NREP: variants seen among roughly 807,000 people sequenced by gnomAD.
The protein encoded by NREP is neuronal regeneration related protein.
A neutral mutation model predicts 8.6 loss-of-function variants in NREP; 5 were observed. The observed-to-expected ratio is 0.58, with a 90% confidence interval of 0.30 to 1.22. The LOEUF is 1.22. Ranked by LOEUF, NREP falls within the 50% of genes most tolerant of loss-of-function variation. The pLI, the probability that NREP is intolerant of heterozygous loss-of-function variation, is 0.07. For missense variants in NREP, 86 were observed against 82.5 expected (o/e 1.04, Z -0.17); for synonymous variants, 27 against 28.0 (o/e 0.96, Z 0.11).
intron 2 of NREP, among the ~76,000 whole-genome samples, chr5:111,878,406 G>C (rs1162024957): frequency 6.6e-6 from 1 of 152,032 alleles, no homozygotes; most frequent in Admixed American, 6.6e-5. Context: ...AAGGAGGAAT[G>C]GTCAGGCACT....
At chr5:111,746,960 T>C (rs1750046352) in intron 2 of NREP, among the ~76,000 whole-genome samples, 1 of 152,150 alleles carries the variant, frequency 6.6e-6, no homozygotes, top group African/African-American at 2.4e-5. Flanking sequence ...AGGTTAAGTG[T>C]TCAACCATGT....
At chr5:111,768,382 A>C (rs1751135336) in intron 2 of NREP, among the ~76,000 whole-genome samples, 1 of 152,098 alleles carries the variant, frequency 6.6e-6, no homozygotes, top group African/African-American at 2.4e-5. Flanking sequence ...ACTTTTATTT[A>C]GATTCAGGGG....
chr5:111,777,696 GA>G (rs906619025), intron 2 of NREP, among the ~76,000 whole-genome samples: 5 of 152,178 alleles, frequency 3.3e-5, no homozygotes, highest in African/African-American at 9.6e-5. Flanking sequence ...ATCTAAGGAA[GA>G]AAAAGCAACG....
rs576359246 is a variant in NREP, at chr5:111,907,914, T to C, written c.135+67360A>G. Among the ~76,000 whole-genome samples, 58 of 152,192 alleles carry C rather than the reference T, an allele frequency of 3.8e-4. 1 individual carries two copies. In the South Asian group the frequency reaches 0.012, roughly 31 times the overall value. On this transcript the variant is annotated intron_variant, in intron 2 of 3. Coordinates refer to the NREP transcript ENST00000395634. Reference sequence around the variant, plus strand: ...TTTTTTTATATCCCTGTTACCAAGATCAGTGCTGGCACTTGGGCATTTAAA... The same window carrying C: ...TTTTTTTATATCCCTGTTACCAAGACCAGTGCTGGCACTTGGGCATTTAAA...
At chr5:111,839,732 T>C (rs1474629893) in intron 2 of NREP, among the ~76,000 whole-genome samples, 1 of 152,112 alleles carries the variant, frequency 6.6e-6, no homozygotes, top group Admixed American at 6.6e-5. Flanking sequence ...GTTATAATAA[T>C]ATAAAGTCTT....
intron 2 of NREP, among the ~76,000 whole-genome samples, chr5:111,785,827 G>A (rs770702658): frequency 6.6e-6 from 1 of 152,132 alleles, no homozygotes; most frequent in South Asian, 2.1e-4. Context: ...TGGGGCAGGA[G>A]CAAGACTTGA....
At chr5:111,729,301 A>G (rs1305324550), downstream of NREP, 1 of 152,242 alleles carries the variant, frequency 6.6e-6, no homozygotes, top group African/African-American at 2.4e-5. Context: ...CAAATCAGAC[A>G]GTTACCTTAC....
At chr5:111,965,838 G>C (rs533415732) in intron 2 of NREP, among the ~76,000 whole-genome samples, 2 of 152,098 alleles carry the variant, frequency 1.3e-5, no homozygotes, top group African/African-American at 4.8e-5. Context: ...TTCAAATAAG[G>C]CCCAAATATT....
At chr5:111,769,347 C>G (rs1484913431) in intron 2 of NREP, among the ~76,000 whole-genome samples, 1 of 152,210 alleles carries the variant, frequency 6.6e-6, no homozygotes, top group East Asian at 1.9e-4. Context: ...ATTACAATCA[C>G]AAATCCAAGG....
upstream of NREP, among the ~76,000 whole-genome samples, chr5:111,760,925 C>A (rs1750946039): frequency 1.3e-5 from 2 of 152,190 alleles, no homozygotes; most frequent in African/African-American, 4.8e-5. Context: ...CTGATTATAG[C>A]TAAATGTATC....
At chr5:111,794,103 G>T (rs534709353) in intron 2 of NREP, among the ~76,000 whole-genome samples, 1 of 152,078 alleles carries the variant, frequency 6.6e-6, no homozygotes, top group African/African-American at 2.4e-5. Flanking sequence ...AAGTTCAATT[G>T]AATTTAAAAC....
chr5:111,840,499 A>AT (rs1211895151), intron 2 of NREP, among the ~76,000 whole-genome samples: 1 of 152,096 alleles, frequency 6.6e-6, no homozygotes, highest in Non-Finnish European at 1.5e-5. Flanking sequence ...ACAAACTCTC[A>AT]TTAGAGACTG....
intron 2 of NREP, among the ~76,000 whole-genome samples, chr5:111,910,682 C>T (rs573318155): frequency 6.6e-5 from 10 of 152,018 alleles, no homozygotes; most frequent in Non-Finnish European, 8.8e-5. Flanking sequence ...AACTTGGCTT[C>T]TGAGACTGGA....
chr5:111,919,165 A>T (rs1561345638), intron 2 of NREP, among the ~76,000 whole-genome samples: 1 of 152,118 alleles, frequency 6.6e-6, no homozygotes, highest in Non-Finnish European at 1.5e-5. Context: ...GCAAATCAAA[A>T]CCACAGTGAG....
intron 2 of NREP, among the ~76,000 whole-genome samples, chr5:111,837,495 T>C (rs1349217383): frequency 6.6e-6 from 1 of 152,066 alleles, no homozygotes; most frequent in Non-Finnish European, 1.5e-5. Flanking sequence ...AAGAAAAAAG[T>C]ATTTTGTCAT....
chr5:111,848,784 G>T (rs947966659), intron 2 of NREP, among the ~76,000 whole-genome samples: 1 of 152,040 alleles, frequency 6.6e-6, no homozygotes, highest in South Asian at 2.1e-4. Context: ...CCTTGTCAAA[G>T]TAATTCATTT....
rs187535758 is a variant in NREP at position 111,836,482 on chromosome 5, G to A, written c.136-100975C>T. 1.9e-3 allele frequency among the ~76,000 whole-genome samples: 288 copies of A among 152,116 alleles called. 2 individuals are homozygous for A. The highest frequency in any genetic ancestry group is 0.019 in the Admixed American group (287 of 15,256). ...AGGAATATGCAACAAAATAAAATTG[G>A]CAACATTAACAAAAATCTTTCTTTC... On this transcript the variant is annotated intron_variant, in intron 2 of 3. Coordinates refer to the NREP transcript ENST00000395634.
intron 2 of NREP, among the ~76,000 whole-genome samples, chr5:111,867,154 AG>A (rs1370143841): frequency 2.0e-5 from 3 of 151,818 alleles, no homozygotes; most frequent in African/African-American, 7.3e-5. Context: ...AAAAAAAAAA[AG>A]AAGGTGATGG....
chr5:111,813,331 T>C (rs1327523647), intron 2 of NREP, among the ~76,000 whole-genome samples: 1 of 152,166 alleles, frequency 6.6e-6, no homozygotes, highest in African/African-American at 2.4e-5. Context: ...CAATAAATAA[T>C]CTTAATAACA....
Sources: gnomAD v4.1 joint callset for allele counts (sites outside exome capture counted in the v4.1 genomes callset) on GRCh38, gnomAD v4.1.1 for gene constraint, MANE v1.5 for transcripts, NCBI Gene and HGNC (gene_info 2026-07-23, HGNC 2026-07-21) for gene names.